The following HS3ST5 variants were observed in gnomAD, a reference collection of about 807,000 sequenced individuals.
HS3ST5 encodes heparan sulfate-glucosamine 3-sulfotransferase 5, also known as heparan sulfate glucosamine 3-O-sulfotransferase 5.
Under a neutral mutation model 25.4 loss-of-function variants are expected in HS3ST5, and 10 were observed. The ratio of observed to expected loss-of-function variants is 0.39; its 90% CI spans 0.24 to 0.67. The LOEUF is 0.67. Among genes scored for constraint, HS3ST5 ranks in the 30% least tolerant of loss-of-function variants. HS3ST5 has a pLI of 0.44. For missense variants in HS3ST5, 324 were observed against 420.7 expected (o/e 0.77, Z 2.01); for synonymous variants, 170 against 162.4 (o/e 1.05, Z -0.36).
intron 1 of HS3ST5, among the ~76,000 whole-genome samples, chr6:114,321,483 GCT>G (rs1775968923): frequency 6.6e-6 from 1 of 152,054 alleles, no homozygotes; most frequent in African/African-American, 2.4e-5. Flanking sequence ...TTGAGTTATT[GCT>G]CTGTGTTCCA....
rs529779635 is a variant in HS3ST5 at position 114,314,581 on chromosome 6, G to C, written c.-339+27614C>G. On this transcript the variant is annotated intron_variant, in intron 1 of 4. Coordinates refer to ENST00000312719, the MANE Select transcript of HS3ST5 (RefSeq NM_153612.4). Reference sequence around the variant, plus strand: ...GCCCAAGAAGTCCCTGAAGTTCATAGAAAGAGCTGGCAAATCCTCAAAAAT... The same window carrying C: ...GCCCAAGAAGTCCCTGAAGTTCATACAAAGAGCTGGCAAATCCTCAAAAAT... Among the ~76,000 whole-genome samples, 25 of 152,268 alleles carry C rather than the reference G, an allele frequency of 1.6e-4. No homozygotes were observed. In the South Asian group the frequency reaches 5.0e-3, roughly 30 times the overall value.
At chr6:114,213,824 T>A (rs1250362939) in intron 2 of HS3ST5, among the ~76,000 whole-genome samples, 1 of 152,178 alleles carries the variant, frequency 6.6e-6, no homozygotes, top group Non-Finnish European at 1.5e-5. Context: ...TGATCCCCAC[T>A]CAGTCTCAGT....
intron 2 of HS3ST5, among the ~76,000 whole-genome samples, chr6:114,174,164 C>T (rs1179104320): frequency 6.6e-6 from 1 of 151,998 alleles, no homozygotes; most frequent in Non-Finnish European, 1.5e-5. Flanking sequence ...GGGCTTTGCT[C>T]CTCTGCCTAG....
At position 114,245,202 on chromosome 6, in the gene HS3ST5, A is replaced by G. The variant is rs576673088; in HGVS notation, c.-338-16424T>C. ...CTATGTAGGCAGCATCTTGCCTAAG[A>G]CTGCACAGAACAAATACAAGAAGAA... is the stretch of plus-strand genomic sequence containing the variant. On this transcript the variant is annotated intron_variant, in intron 1 of 4. Coordinates refer to ENST00000312719, the MANE Select transcript of HS3ST5 (RefSeq NM_153612.4). Among the ~76,000 whole-genome samples the G allele has an allele frequency of 2.7e-4, 41 of 152,312 alleles. No individual in the cohort carries two copies. The South Asian group carries it at 5.4e-3, about 20-fold the overall frequency.
chr6:114,183,883 A>G lies in HS3ST5; in HGVS notation c.-144-15421T>C, dbSNP rs299422. On this transcript the variant is annotated intron_variant, in intron 2 of 4. Coordinates refer to ENST00000312719, the MANE Select transcript of HS3ST5 (RefSeq NM_153612.4). ...TCTGATGAGGTCTCAACTGAAAATG[A>G]GGAATATCTTATTAAACAATGGAAA... Among the ~76,000 whole-genome samples, 710 of 152,296 alleles carry G rather than the reference A, an allele frequency of 4.7e-3. 8 individuals are homozygous for G. The highest frequency in any genetic ancestry group is 0.016 in the African/African-American group (663 of 41,562).
intron 2 of HS3ST5, among the ~76,000 whole-genome samples, chr6:114,196,094 C>T (rs531537904): frequency 9.2e-5 from 14 of 152,248 alleles, no homozygotes; most frequent in Admixed American, 6.5e-4. Context: ...CTTCTGGGCC[C>T]CCTCTCCATG....
At chr6:114,268,261 T>C (rs1773494713) in intron 1 of HS3ST5, among the ~76,000 whole-genome samples, 1 of 152,148 alleles carries the variant, frequency 6.6e-6, no homozygotes, top group South Asian at 2.1e-4. Flanking sequence ...TCAGTTCTCT[T>C]AGAGATTTGG....
intron 3 of HS3ST5, among the ~76,000 whole-genome samples, chr6:114,096,055 T>G (rs1011910): frequency 0.42 from 64,139 of 151,912 alleles, 14,341 homozygotes; most frequent in Middle Eastern, 0.55. Flanking sequence ...CACCTTACCT[T>G]TTAAGATTCC....
chr6:114,065,352 C>T (rs1562181462), intron 3 of HS3ST5, among the ~76,000 whole-genome samples: 1 of 152,216 alleles, frequency 6.6e-6, no homozygotes, highest in Non-Finnish European at 1.5e-5. Flanking sequence ...TGTCTGAAGT[C>T]CTCAGTTAGA....
chr6:114,063,195 T>C (rs1182637967), intron 3 of HS3ST5, among the ~76,000 whole-genome samples: 2 of 152,214 alleles, frequency 1.3e-5, no homozygotes, highest in Admixed American at 6.5e-5. Flanking sequence ...TGTGTATATA[T>C]AAAATGATTC....
intron 3 of HS3ST5, among the ~76,000 whole-genome samples, chr6:114,136,623 G>A (rs1777629246): frequency 6.6e-6 from 1 of 152,268 alleles, no homozygotes; most frequent in African/African-American, 2.4e-5. Context: ...CCCCCGAAGG[G>A]CCAGTTTGTC....
chr6:114,296,601 C>T (rs1206873337), intron 1 of HS3ST5, among the ~76,000 whole-genome samples: 1 of 152,050 alleles, frequency 6.6e-6, no homozygotes, highest in Non-Finnish European at 1.5e-5. Flanking sequence ...ATTTTATCTT[C>T]AACATAATGC....
At chr6:114,238,432 A>G (rs1253753109) in intron 1 of HS3ST5, among the ~76,000 whole-genome samples, 1 of 152,330 alleles carries the variant, frequency 6.6e-6, no homozygotes, top group Non-Finnish European at 1.5e-5. Context: ...GTATGTGATA[A>G]GTTAAAAAGA....
At chr6:114,097,474 T>G (rs1344109513) in intron 3 of HS3ST5, among the ~76,000 whole-genome samples, 1 of 151,972 alleles carries the variant, frequency 6.6e-6, no homozygotes, top group Non-Finnish European at 1.5e-5. Flanking sequence ...GCATCCTTTA[T>G]ATTGTATATT....
chr6:114,127,686 A>G (rs1194058257), intron 3 of HS3ST5, among the ~76,000 whole-genome samples: 1 of 152,188 alleles, frequency 6.6e-6, no homozygotes, highest in Non-Finnish European at 1.5e-5. Flanking sequence ...ACAAGTGTCC[A>G]TCAAGAGATG....
At chr6:114,240,938 A>T (rs1294344654) in intron 1 of HS3ST5, among the ~76,000 whole-genome samples, 1 of 152,170 alleles carries the variant, frequency 6.6e-6, no homozygotes, top group Non-Finnish European at 1.5e-5. Flanking sequence ...CCCAAGGAAC[A>T]ATGAAGCATG....
chr6:114,132,268 G>A (rs996229924), intron 3 of HS3ST5: 5 of 152,108 alleles, frequency 3.3e-5, no homozygotes, highest in African/African-American at 1.2e-4. Flanking sequence ...TCATTTTATT[G>A]CTTGTTCCCA....
intron 3 of HS3ST5, among the ~76,000 whole-genome samples, chr6:114,121,087 AC>A (rs1407019958): frequency 6.6e-6 from 1 of 152,258 alleles, no homozygotes; most frequent in Non-Finnish European, 1.5e-5. Flanking sequence ...TTGAAAGGAA[AC>A]AAAAAACTTT....
intron 2 of HS3ST5, among the ~76,000 whole-genome samples, chr6:114,219,500 G>A (rs76023462): frequency 6.6e-6 from 1 of 152,156 alleles, no homozygotes; most frequent in Non-Finnish European, 1.5e-5. Flanking sequence ...AGAGGGAAAG[G>A]AGAGGGATAA....
Sources: gnomAD v4.1 joint callset for allele counts (sites outside exome capture counted in the v4.1 genomes callset) on GRCh38, gnomAD v4.1.1 for gene constraint, MANE v1.5 for transcripts, NCBI Gene and HGNC (gene_info 2026-07-23, HGNC 2026-07-21) for gene names.